The following SEMG2 variants were observed in gnomAD, a reference collection of about 807,000 sequenced individuals.
SEMG2 encodes semenogelin-2.
Under a neutral mutation model 8.1 loss-of-function variants are expected in SEMG2, and 3 were observed. The ratio of observed to expected loss-of-function variants is 0.37; its 90% CI spans 0.17 to 0.96. The LOEUF is 0.96. Among genes scored for constraint, SEMG2 ranks in the 40% least tolerant of loss-of-function variants. SEMG2 has a pLI of 0.41. For synonymous variants in SEMG2, 252 were observed against 231.4 expected, an observed-to-expected ratio of 1.09 and a Z score of -0.81; for missense variants, 726 against 671.2, an observed-to-expected ratio of 1.08 and a Z score of -0.90.
At position 45,223,302 on chromosome 20, in the gene SEMG2, T is replaced by C. The variant is rs546435669; in HGVS notation, c.1670T>C (p.Val557Ala). The part of the protein sequence containing the change: ...KQESSESHNI[V>A]ITEHEVAQDD... ...GAATCCAGTGAGTCACATAATATTG[T>C]AATTACTGAGCATGAGGTTGCCCAA... Residue 557 changes from valine to alanine, a missense_variant, in exon 2 of 3, where the codon GTA (valine) becomes GCA (alanine). Val to Ala is a moderately conservative substitution (Grantham distance 64). Coordinates refer to ENST00000372769, the MANE Select transcript of SEMG2 (RefSeq NM_003008.3). The C allele has an allele frequency of 1.4e-5, 22 of 1,614,134 alleles. No homozygotes were observed. In the South Asian group the frequency reaches 2.2e-4, roughly 16 times the overall value.
Position 45,222,828 on chromosome 20 carries a change from A to G in SEMG2, c.1196A>G (p.Tyr399Cys), listed in dbSNP as rs904238348. ...AGAATTCCTAGTCAAGCTCAAGAGT[A>G]TGGCCATAAGGAAAATAAAATATCA... ...QVRIPSQAQEYGHKENKISYQ... is the reference protein window; with the variant it reads ...QVRIPSQAQECGHKENKISYQ... Residue 399 changes from tyrosine to cysteine, a missense_variant, in exon 2 of 3, where the codon TAT (tyrosine) becomes TGT (cysteine). Tyr to Cys is a radical substitution (Grantham distance 194). Coordinates refer to ENST00000372769, the MANE Select transcript of SEMG2 (RefSeq NM_003008.3). 3 of 1,613,400 alleles carry G rather than the reference A, an allele frequency of 1.9e-6. No homozygotes were observed.
rs1984029715 is a variant in SEMG2, at chr20:45,222,107, T to A, written c.475T>A (p.Cys159Ser). The A allele has an allele frequency of 1.2e-6, 2 of 1,613,656 alleles. No homozygotes were observed. Among genetic ancestry groups the A allele is most frequent in the African/African-American group, 1.3e-5 (1 of 74,874 alleles). ...SPSGKGLSSQ[C>S]SNTEKRLWVH... ...ATCTGGAAAGGGATTATCCAGTCAA[T>A]GTTCAAACACAGAAAAAAGGCTATG... is the stretch of plus-strand genomic sequence containing the variant. The change falls in exon 2 of 3, where the codon TGT (cysteine) becomes AGT (serine). Residue 159 changes from cysteine (C) to serine (S), a missense_variant. Coordinates refer to ENST00000372769, the MANE Select transcript of SEMG2 (RefSeq NM_003008.3).
chr20:45,222,707 A>G lies in SEMG2; in HGVS notation c.1075A>G (p.Asn359Asp). Residue 359 changes from asparagine to aspartate, a missense_variant, in exon 2 of 3, where the codon AAC (asparagine) becomes GAC (aspartate). Transcript: ENST00000372769. Reference protein sequence around the residue: ...QSSSTEERHLNCGEKGIQKGV... With the variant: ...QSSSTEERHLDCGEKGIQKGV... Reference sequence around the variant, plus strand: ...TTCAAGTACAGAAGAAAGACATCTCAACTGTGGAGAAAAGGGCATCCAGAA... The same window carrying G: ...TTCAAGTACAGAAGAAAGACATCTCGACTGTGGAGAAAAGGGCATCCAGAA... The G allele has an allele frequency of 6.2e-7, 1 of 1,613,414 alleles. No homozygotes were observed. The highest frequency in any genetic ancestry group is 8.5e-7 in the Non-Finnish European group (1 of 1,179,666).
Position 45,223,415 on chromosome 20 carries a change from C to T in SEMG2, c.*34C>T, listed in dbSNP as rs1984074128. 2 of 1,486,902 alleles carry T rather than the reference C, an allele frequency of 1.3e-6. No individual in the cohort carries two copies. Among genetic ancestry groups the T allele is most frequent in the Admixed American group, 1.8e-5 (1 of 54,152 alleles). The allele number at this position is 1,486,902 out of a possible 1,614,324, so 92.1% of individuals were successfully genotyped here. A position where few individuals can be genotyped will look rare whatever the true frequency, so the allele number is the denominator to read the frequency against. ...CTTAGCAACCACTTGAAAAGCTGGA[C>T]CAATAGCAAGGTAAGTTTGCTTTTC... On this transcript the variant is annotated 3_prime_UTR_variant, in exon 2 of 3. Transcript: ENST00000372769.
In SEMG2 at chr20:45,222,865, G is replaced by T; in HGVS notation, c.1233G>T (p.Ser411=). The T allele has an allele frequency of 6.3e-7, 1 of 1,597,802 alleles. No individual in the cohort carries two copies. Among genetic ancestry groups the T allele is most frequent in the Non-Finnish European group, 8.5e-7 (1 of 1,174,338 alleles). The change falls in exon 2 of 3, where the codon TCG becomes TCT. Residue 411 remains serine (S), a synonymous_variant. Transcript: ENST00000372769. ...HKENKISYQS[S]STEERRLNSG... ...AAAATAAAATATCATACCAATCTTC[G>T]AGTACAGAAGAAAGACGTCTCAACA...
In SEMG2 at chr20:45,222,086, G is replaced by T; in HGVS notation, c.454G>T (p.Gly152Ter). 1 of 1,613,970 alleles carries T rather than the reference G, an allele frequency of 6.2e-7. No individual in the cohort carries two copies. Among genetic ancestry groups the T allele is most frequent in the Non-Finnish European group, 8.5e-7 (1 of 1,179,972 alleles). ...TCAAGATCAGGGGAATAGCCCATCT[G>T]GAAAGGGATTATCCAGTCAATGTTC... ...PSQDQGNSPS[G>*]KGLSSQCSNT... The change falls in exon 2 of 3, where the codon GGA becomes TGA. Residue 152 changes from glycine (G) to a stop codon, truncating the protein, a stop_gained. Coordinates refer to ENST00000372769, the MANE Select transcript of SEMG2 (RefSeq NM_003008.3). LOFTEE classifies it low-confidence loss of function (END_TRUNC).
rs1050852335 is a variant in SEMG2, at chr20:45,224,291, G to A, written c.*45G>A. On this transcript the variant is annotated splice_region_variant and 3_prime_UTR_variant, in exon 3 of 3. Transcript: ENST00000372769. Reference sequence around the variant, plus strand: ...ATCTGGTTGTCTTTTTTCTCCCTAGGTGTCACCCGACCTCAGTGAAGTCTT... The same window carrying A: ...ATCTGGTTGTCTTTTTTCTCCCTAGATGTCACCCGACCTCAGTGAAGTCTT... The A allele has an allele frequency of 6.6e-6, 1 of 152,130 alleles. No homozygotes were observed. Among genetic ancestry groups the A allele is most frequent in the Non-Finnish European group, 1.5e-5 (1 of 68,130 alleles). 9.4% of individuals were successfully genotyped at this position (152,130 alleles called of 1,614,324 possible).
rs747684917 is a variant in SEMG2, at chr20:45,221,721, G to C, written c.89G>C (p.Gly30Ala). 1 of 1,607,612 alleles carries C rather than the reference G, an allele frequency of 6.2e-7. No homozygotes were observed. Among genetic ancestry groups the C allele is most frequent in the South Asian group, 1.1e-5 (1 of 89,476 alleles). Reference sequence around the variant, plus strand: ...TATCAATTACCAGGTGGATCAAAAGGCCAATTGCCAAGCGGATCTTCCCAA... The same window carrying C: ...TATCAATTACCAGGTGGATCAAAAGCCCAATTGCCAAGCGGATCTTCCCAA... The part of the protein sequence containing the change: ...AVMGQKGGSK[G>A]QLPSGSSQFP... The change falls in exon 2 of 3, where the codon GGC becomes GCC. Residue 30 changes from glycine (G) to alanine (A), a missense_variant. Coordinates refer to ENST00000372769, the MANE Select transcript of SEMG2 (RefSeq NM_003008.3).
At chr20:45,223,632 C>T (rs1376907901) in intron 2 of SEMG2, among the ~76,000 whole-genome samples, 1 of 152,118 alleles carries the variant, frequency 6.6e-6, no homozygotes, top group Non-Finnish European at 1.5e-5. Flanking sequence ...TCCTAGAATT[C>T]CTATTCTTAA....
Position 45,223,285 on chromosome 20 carries a change from TG to T in SEMG2, c.1654del (p.Glu552SerfsTer6). ...QKGRYKQESS[E>X]SHNIVITEHE... ...AAGGCAGATACAAACAGGAATCCAGTGAGTCACATAATATTGTAATTACTGA... is the reference window on the plus strand; with the variant it reads ...AAGGCAGATACAAACAGGAATCCAGTAGTCACATAATATTGTAATTACTGA... On this transcript the variant is annotated frameshift_variant, in exon 2 of 3. Transcript: ENST00000372769. LOFTEE classifies it low-confidence loss of function (END_TRUNC). 6.2e-7 allele frequency: 1 copy of T among 1,614,138 alleles called. No homozygotes were observed. The highest frequency in any genetic ancestry group is 1.1e-5 in the South Asian group (1 of 91,084).
Position 45,223,392 on chromosome 20 carries a change from T to C in SEMG2, c.*11T>C, listed in dbSNP as rs1438944916. 2 of 1,572,008 alleles carry C rather than the reference T, an allele frequency of 1.3e-6. No homozygotes were observed. The highest frequency in any genetic ancestry group is 1.7e-6 in the Non-Finnish European group (2 of 1,151,030). On this transcript the variant is annotated 3_prime_UTR_variant, in exon 2 of 3. Coordinates refer to ENST00000372769, the MANE Select transcript of SEMG2 (RefSeq NM_003008.3). ...CCAATATCTACATAGCCCTGTTGCT[T>C]AGCAACCACTTGAAAAGCTGGACCA...
chr20:45,221,897 G>A lies in SEMG2; in HGVS notation c.265G>A (p.Ala89Thr), dbSNP rs778926230. Residue 89 changes from alanine (A) to threonine (T), a missense_variant, in exon 2 of 3, where the codon GCC (alanine) becomes ACC (threonine). By Grantham distance (58) the Ala-to-Thr change is moderately conservative (BLOSUM62 0). Coordinates refer to ENST00000372769, the MANE Select transcript of SEMG2 (RefSeq NM_003008.3). ...AAAAAGTCAGCAATATGATTTGAAT[G>A]CCCTACATAAGGCGACAAAATCAAA... is the stretch of plus-strand genomic sequence containing the variant. ...TRKSQQYDLN[A>T]LHKATKSKQH... is the part of the protein sequence containing the mutation. 6.2e-7 allele frequency: 1 copy of A among 1,613,828 alleles called. No homozygotes were observed. The highest frequency in any genetic ancestry group is 8.5e-7 in the Non-Finnish European group (1 of 1,179,934).
chr20:45,222,848 A>G lies in SEMG2; in HGVS notation c.1216A>G (p.Ile406Val), dbSNP rs1984055279. The G allele has an allele frequency of 6.2e-7, 1 of 1,614,044 alleles. No individual in the cohort carries two copies. ...AGAGTATGGCCATAAGGAAAATAAA[A>G]TATCATACCAATCTTCGAGTACAGA... ...AQEYGHKENK[I>V]SYQSSSTEER... The change falls in exon 2 of 3, where the codon ATA becomes GTA. Residue 406 changes from isoleucine to valine, a missense_variant. Transcript: ENST00000372769.
In SEMG2 at chr20:45,223,953, A is replaced by ATCT. The variant is rs879482880; in HGVS notation, c.*45-337_*45-336insCTT. ...AGGAAAGATATGAGTAGAAAGAAGG[A>ATCT]TTCCTGTTCAGATTGTGAAAAAGGA... On this transcript the variant is annotated intron_variant, in intron 2 of 2. Coordinates refer to ENST00000372769, the MANE Select transcript of SEMG2 (RefSeq NM_003008.3). Among the ~76,000 whole-genome samples, 177 of 152,332 alleles carry ATCT rather than the reference A, an allele frequency of 1.2e-3. 1 individual carries two copies. The highest frequency in any genetic ancestry group is 2.1e-3 in the Non-Finnish European group (146 of 68,036).
Position 45,223,434 on chromosome 20 carries a change from G to T in SEMG2, c.*44+9G>T. ...GCTGGACCAATAGCAAGGTAAGTTT[G>T]CTTTTCTTACCAAATAGGAGAGGTG... On this transcript the variant is annotated intron_variant, in intron 2 of 2. Transcript: ENST00000372769. 7.4e-7 allele frequency: 1 copy of T among 1,354,888 alleles called. No homozygotes were observed. The highest frequency in any genetic ancestry group is 2.1e-4 in the Middle Eastern group (1 of 4,690). 83.9% of individuals were successfully genotyped at this position (1,354,888 alleles called of 1,614,324 possible). A position where few individuals can be genotyped will look rare whatever the true frequency, so the allele number is the denominator to read the frequency against.
At position 45,222,348 on chromosome 20, in the gene SEMG2, A is replaced by G. The variant is rs1331286764; in HGVS notation, c.716A>G (p.His239Arg). The G allele has an allele frequency of 1.9e-6, 3 of 1,614,046 alleles. No individual in the cohort carries two copies. Among genetic ancestry groups the G allele is most frequent in the South Asian group, 1.1e-5 (1 of 91,074 alleles). The change falls in exon 2 of 3, where the codon CAT (histidine) becomes CGT (arginine). Residue 239 changes from histidine to arginine, a missense_variant. Transcript: ENST00000372769. ...TCAAGTAAACTACAAACTTCACTCC[A>G]TCCTGCACATCAAGACAGACTCCAA... ...EHSSKLQTSLHPAHQDRLQHG... is the reference protein window; with the variant it reads ...EHSSKLQTSLRPAHQDRLQHG...
In SEMG2 at chr20:45,221,855, G is replaced by C; in HGVS notation, c.223G>C (p.Asp75His). The C allele has an allele frequency of 6.2e-7, 1 of 1,614,078 alleles. No individual in the cohort carries two copies. Among genetic ancestry groups the C allele is most frequent in the Non-Finnish European group, 8.5e-7 (1 of 1,180,008 alleles). ...IQHTYHVDIN[D>H]HDWTRKSQQY... ...ACACACATATCATGTAGACATCAAT[G>C]ATCATGACTGGACCCGAAAAAGTCA... Residue 75 changes from aspartate (D) to histidine (H), a missense_variant, in exon 2 of 3, where the codon GAT becomes CAT. Coordinates refer to ENST00000372769, the MANE Select transcript of SEMG2 (RefSeq NM_003008.3).
In SEMG2 at chr20:45,221,980, T is replaced by A; in HGVS notation, c.348T>A (p.His116Gln). The stretch of plus-strand genomic sequence containing the variant: ...ATTATAAACAAGAAGGCAGAGACCA[T>A]GATAAATCAAAAGGTCATTTTCACA... The part of the protein sequence containing the change: ...LLNYKQEGRD[H>Q]DKSKGHFHMI... Residue 116 changes from histidine to glutamine, a missense_variant, in exon 2 of 3, where the codon CAT becomes CAA. His to Gln is a conservative substitution (Grantham distance 24). Coordinates refer to ENST00000372769, the MANE Select transcript of SEMG2 (RefSeq NM_003008.3). 2 of 1,614,028 alleles carry A rather than the reference T, an allele frequency of 1.2e-6. No homozygotes were observed. The highest frequency in any genetic ancestry group is 1.7e-6 in the Non-Finnish European group (2 of 1,179,984).
chr20:45,221,471 T>A lies in SEMG2; in HGVS notation c.76+6T>A. 1.2e-6 allele frequency: 2 copies of A among 1,613,982 alleles called. No individual in the cohort carries two copies. Among genetic ancestry groups the A allele is most frequent in the Non-Finnish European group, 1.7e-6 (2 of 1,179,922 alleles). The stretch of plus-strand genomic sequence containing the variant: ...AGCTGTGATGGGACAAAAAGGTGAG[T>A]GGAGAGGGTAAGCCTTGGGGAAAGC... On this transcript the variant is annotated splice_donor_region_variant and intron_variant, in intron 1 of 2. Coordinates refer to ENST00000372769, the MANE Select transcript of SEMG2 (RefSeq NM_003008.3).
Sources: gnomAD v4.1 joint callset for allele counts (sites outside exome capture counted in the v4.1 genomes callset) on GRCh38, gnomAD v4.1.1 for gene constraint, MANE v1.5 for transcripts, NCBI Gene and HGNC (gene_info 2026-07-23, HGNC 2026-07-21) for gene names.